The following FGF13 variants were observed in gnomAD, a reference collection of about 807,000 sequenced individuals.
The protein encoded by FGF13 is fibroblast growth factor homologous factor 2.
Under a neutral mutation model 19.5 loss-of-function variants are expected in FGF13, and 2 were observed. The observed-to-expected ratio is 0.10, with a 90% CI of 0.04 to 0.32. The LOEUF (loss-of-function observed/expected upper bound fraction) is 0.32. Ranked by LOEUF, FGF13 falls within the 10% of genes least tolerant of loss-of-function variation. The probability of loss-of-function intolerance (pLI) is 1.00; values close to 1 mark genes in which losing one functional copy is unlikely to be tolerated. For synonymous variants in FGF13, 72 were observed against 76.9 expected, an observed-to-expected ratio of 0.94 and a Z score of 0.33; for missense variants, 113 against 192.7, an observed-to-expected ratio of 0.59 and a Z score of 2.45.
chrX:139,143,838 A>C (rs1430904765), intron 1 of FGF13, among the ~76,000 whole-genome samples: 1 of 111,796 alleles, frequency 8.9e-6, no homozygotes, highest in Admixed American at 9.5e-5. Context: ...TTCCATGCAC[A>C]GTGGACCTAC....
intron 1 of FGF13, among the ~76,000 whole-genome samples, chrX:139,067,324 GA>G (rs2092360317): frequency 9.0e-6 from 1 of 111,603 alleles, no homozygotes; most frequent in Non-Finnish European, 1.9e-5. Context: ...ATTCAATTAG[GA>G]AAAGAGGAAG....
At chrX:138,995,306 T>A (rs1437173692) in intron 1 of FGF13, among the ~76,000 whole-genome samples, 1 of 111,806 alleles carries the variant, frequency 8.9e-6, no homozygotes, top group African/African-American at 3.3e-5. Context: ...TAATTTTGAT[T>A]TTTATTTATT....
intron 1 of FGF13, among the ~76,000 whole-genome samples, chrX:138,887,089 C>A (rs978104930): frequency 9.0e-6 from 1 of 111,695 alleles, no homozygotes; most frequent in African/African-American, 3.3e-5. Context: ...GAGTTTGCAT[C>A]CTATAACCCT....
chrX:139,104,683 T>G (rs1056390895), intron 1 of FGF13, among the ~76,000 whole-genome samples: 1 of 111,021 alleles, frequency 9.0e-6, no homozygotes, highest in Non-Finnish European at 1.9e-5. Context: ...GTGATCAGAT[T>G]CTGGTGAGGG....
At position 138,623,356 on chromosome X, in the gene FGF13, G is replaced by T. The variant is rs1248807397; in HGVS notation, c.*9494C>A. On this transcript the variant is annotated 3_prime_UTR_variant, in exon 5 of 5. Transcript: ENST00000315930. ...AGTGCTCCTTCCTCTTCATTTTTTTGGAAGATTTTGAGAAGGATTGGTATT... is the reference window on the plus strand; with the variant it reads ...AGTGCTCCTTCCTCTTCATTTTTTTTGAAGATTTTGAGAAGGATTGGTATT... 1 of 111,066 alleles carries T rather than the reference G, an allele frequency of 9.0e-6. No individual in the cohort carries two copies. Among genetic ancestry groups the T allele is most frequent in the East Asian group, 2.9e-4 (1 of 3,506 alleles). The allele number at this position is 111,066 out of a possible 1,213,427, so 9.2% of individuals were successfully genotyped here. A position where few individuals can be genotyped will look rare whatever the true frequency, so the allele number is the denominator to read the frequency against.
At chrX:139,134,918 G>C (rs983157947) in intron 1 of FGF13, among the ~76,000 whole-genome samples, 1 of 110,798 alleles carries the variant, frequency 9.0e-6, no homozygotes, top group Non-Finnish European at 1.9e-5. Flanking sequence ...AAAGTACTGG[G>C]ATTACACGTG....
chrX:139,019,590 T>C (rs150757423), intron 1 of FGF13, among the ~76,000 whole-genome samples: 3,071 of 111,231 alleles, frequency 0.028, 121 homozygotes, highest in African/African-American at 0.094. Context: ...GGCATTTCGA[T>C]GAAGGTGACA....
chrX:138,765,185 C>A (rs1054772435), intron 3 of FGF13, among the ~76,000 whole-genome samples: 1 of 111,961 alleles, frequency 8.9e-6, no homozygotes. Context: ...CACAGCAGTC[C>A]AGTGAGAGAA....
At chrX:138,721,455 T>C (rs1190774657) in intron 1 of FGF13, among the ~76,000 whole-genome samples, 2 of 111,872 alleles carry the variant, frequency 1.8e-5, no homozygotes, top group Non-Finnish European at 3.8e-5. Flanking sequence ...TTGCTGTGCT[T>C]CAATTCTGGA....
At chrX:138,973,505 G>A (rs1484650002) in intron 1 of FGF13, among the ~76,000 whole-genome samples, 2 of 111,936 alleles carry the variant, frequency 1.8e-5, no homozygotes, top group African/African-American at 6.5e-5. Flanking sequence ...ATGTCTGTTA[G>A]GTCCATTTAA....
chrX:138,616,358 G>A lies in FGF13; in HGVS notation c.*16492C>T, dbSNP rs374900185. On this transcript the variant is annotated 3_prime_UTR_variant, in exon 5 of 5. Transcript: ENST00000315930. Reference sequence around the variant, plus strand: ...AAGTCCAAAATCCAATAGGGCAGTCGTTAAAGCTTAAAGTTCCAAAATGAT... The same window carrying A: ...AAGTCCAAAATCCAATAGGGCAGTCATTAAAGCTTAAAGTTCCAAAATGAT... 5 of 112,669 alleles carry A rather than the reference G, an allele frequency of 4.4e-5. No homozygotes were observed. The highest frequency in any genetic ancestry group is 9.7e-5 in the African/African-American group (3 of 31,054). The allele number at this position is 112,669 out of a possible 1,213,427, so 9.3% of individuals were successfully genotyped here.
At chrX:138,767,913 T>C (rs377236960) in intron 3 of FGF13, among the ~76,000 whole-genome samples, 3 of 112,442 alleles carry the variant, frequency 2.7e-5, no homozygotes, top group Non-Finnish European at 5.6e-5. Context: ...AGCAAAGTGT[T>C]GTCTGTTCCG....
chrX:138,703,180 T>C, intron 2 of FGF13, 93 bp from the exon 3 acceptor site: 2 of 646,052 alleles, frequency 3.1e-6, no homozygotes, highest in Non-Finnish European at 2.6e-6. Flanking sequence ...CCTCCAAAAG[T>C]AGTGTGTAGT....
Position 138,632,943 on chromosome X carries a change from G to A in FGF13, c.645C>T (p.Phe215=), listed in dbSNP as rs1187336042. The change falls in exon 5 of 5, where the codon TTC becomes TTT. Residue 215 remains phenylalanine (F), a synonymous_variant. Transcript: ENST00000315930. ...TTGGGGTCCCGCTTCCAGATCGGGA[G>A]AACTCCGTGAGATCGTGCAGTGATG... ...KEPSLHDLTE[F]SRSGSGTPTK... 3 of 1,208,394 alleles carry A rather than the reference G, an allele frequency of 2.5e-6. No individual in the cohort carries two copies. The highest frequency in any genetic ancestry group is 3.4e-6 in the Non-Finnish European group (3 of 894,681).
Position 139,061,225 on chromosome X carries a change from T to G in FGF13, c.-113+142191A>C, listed in dbSNP as rs7884411. On this transcript the variant is annotated intron_variant, in intron 1 of 2. Transcript: ENST00000421460. ...TCCTGGGTGGCTGTACTAATTTACATTCCCACTGCTATGGTTTCAATATGG... is the reference window on the plus strand; with the variant it reads ...TCCTGGGTGGCTGTACTAATTTACAGTCCCACTGCTATGGTTTCAATATGG... Among the ~76,000 whole-genome samples the G allele has an allele frequency of 4.7e-3, 522 of 111,707 alleles. 2 individuals are homozygous for G. Among genetic ancestry groups the G allele is most frequent in the African/African-American group, 0.016 (494 of 30,778 alleles).
At chrX:139,022,802 G>A (rs993338978) in intron 1 of FGF13, among the ~76,000 whole-genome samples, 1 of 111,357 alleles carries the variant, frequency 9.0e-6, no homozygotes, top group Non-Finnish European at 1.9e-5. Flanking sequence ...TCCAAAAGAA[G>A]CAAGCTCTGT....
intron 3 of FGF13, among the ~76,000 whole-genome samples, chrX:138,647,530 C>T (rs752563905): frequency 2.1e-4 from 23 of 111,555 alleles, no homozygotes; most frequent in Admixed American, 1.2e-3. Flanking sequence ...CAATGCTTTA[C>T]GGGAGTGTTT....
intron 1 of FGF13, among the ~76,000 whole-genome samples, chrX:139,022,006 C>T (rs1334812538): frequency 1.8e-5 from 2 of 111,661 alleles, no homozygotes; most frequent in East Asian, 5.7e-4. Context: ...CTTTGTGTTA[C>T]TCCAAATACC....
At chrX:139,012,389 A>G (rs904405254) in intron 1 of FGF13, among the ~76,000 whole-genome samples, 3 of 111,659 alleles carry the variant, frequency 2.7e-5, no homozygotes, top group African/African-American at 9.8e-5. Flanking sequence ...CACATAGCCA[A>G]AGCAAGACTA....
Sources: gnomAD v4.1 joint callset for allele counts (sites outside exome capture counted in the v4.1 genomes callset) on GRCh38, gnomAD v4.1.1 for gene constraint, MANE v1.5 for transcripts, NCBI Gene and HGNC (gene_info 2026-07-23, HGNC 2026-07-21) for gene names.